Variants in SUPT3H observed in about 807,000 individuals in gnomAD.
The protein encoded by SUPT3H is transcription initiation protein SPT3 homolog.
SUPT3H carries 44 observed loss-of-function variants against 44.3 expected under a neutral mutation model. That is an observed-to-expected ratio of 0.99 (90% CI 0.78 to 1.28). The LOEUF is 1.28. SUPT3H is among the 50% of genes most tolerant of loss of function. The probability of loss-of-function intolerance (pLI) is 0.00; values close to 1 mark genes in which losing one functional copy is unlikely to be tolerated. For synonymous variants in SUPT3H, 124 were observed against 125.6 expected, an observed-to-expected ratio of 0.99 and a Z score of 0.09; for missense variants, 380 against 387.1, an observed-to-expected ratio of 0.98 and a Z score of 0.15.
At chr6:45,177,620 G>C (rs931344238) in intron 2 of SUPT3H, among the ~76,000 whole-genome samples, 2 of 151,620 alleles carry the variant, frequency 1.3e-5, no homozygotes, top group African/African-American at 4.8e-5. Flanking sequence ...ATAATTGTCA[G>C]ATTCACCAAA....
chr6:45,324,131 G>C (rs1206548010), intron 2 of SUPT3H, among the ~76,000 whole-genome samples: 2 of 151,810 alleles, frequency 1.3e-5, no homozygotes, highest in Non-Finnish European at 2.9e-5. Flanking sequence ...TTACAAAAAT[G>C]ACAGCATTCA....
chr6:45,151,145 T>A (rs1806909536), intron 2 of SUPT3H, among the ~76,000 whole-genome samples: 1 of 152,164 alleles, frequency 6.6e-6, no homozygotes, highest in Non-Finnish European at 1.5e-5. Context: ...TTTATGGCTA[T>A]TTACAGGACA....
chr6:44,856,371 T>A (rs1385427861), intron 10 of SUPT3H, among the ~76,000 whole-genome samples: 2 of 152,222 alleles, frequency 1.3e-5, no homozygotes, highest in Non-Finnish European at 2.9e-5. Context: ...TAAACCATTA[T>A]GTAAAATATA....
At chr6:45,243,116 A>G (rs1770668240) in intron 2 of SUPT3H, among the ~76,000 whole-genome samples, 1 of 137,110 alleles carries the variant, frequency 7.3e-6, no homozygotes. Flanking sequence ...ATTGCTTGAG[A>G]CTGGGAGGCA....
At chr6:45,012,279 C>T (rs888262006) in intron 5 of SUPT3H, among the ~76,000 whole-genome samples, 1 of 151,862 alleles carries the variant, frequency 6.6e-6, no homozygotes, top group Non-Finnish European at 1.5e-5. Context: ...TCTTCTGATA[C>T]TCTCATTATG....
intron 3 of SUPT3H, among the ~76,000 whole-genome samples, chr6:45,031,292 A>G (rs763800860): frequency 2.0e-5 from 3 of 152,192 alleles, no homozygotes; most frequent in Non-Finnish European, 2.9e-5. Context: ...TAGGATGTAA[A>G]TAATTTGTGG....
At chr6:45,201,786 TA>T (rs1315801106) in intron 2 of SUPT3H, among the ~76,000 whole-genome samples, 1 of 151,888 alleles carries the variant, frequency 6.6e-6, no homozygotes, top group Non-Finnish European at 1.5e-5. Flanking sequence ...CATTTTCCTT[TA>T]AAATAATATG....
At chr6:44,925,180 A>T (rs1769336705) in intron 10 of SUPT3H, among the ~76,000 whole-genome samples, 1 of 152,182 alleles carries the variant, frequency 6.6e-6, no homozygotes, top group Non-Finnish European at 1.5e-5. Flanking sequence ...TTTACATCAA[A>T]GTAAATGGGC....
intron 2 of SUPT3H, among the ~76,000 whole-genome samples, chr6:45,140,810 G>C (rs573900695): frequency 7.9e-5 from 12 of 152,058 alleles, no homozygotes; most frequent in Admixed American, 6.6e-5. Context: ...AGTAACAGTC[G>C]CTACAGTCTG....
chr6:45,165,640 G>A (rs1444214829), intron 2 of SUPT3H, among the ~76,000 whole-genome samples: 1 of 152,072 alleles, frequency 6.6e-6, no homozygotes, highest in Non-Finnish European at 1.5e-5. Flanking sequence ...GATTGCAAAT[G>A]AGAAACAAAA....
intron 10 of SUPT3H, among the ~76,000 whole-genome samples, chr6:44,889,105 T>G (rs201749011): frequency 0.01 from 1,557 of 151,080 alleles, 13 homozygotes; most frequent in South Asian, 0.025. Flanking sequence ...CACTGCTCAA[T>G]GAAATAAAAG....
intron 2 of SUPT3H, among the ~76,000 whole-genome samples, chr6:45,332,225 T>A (rs1301376759): frequency 6.6e-6 from 1 of 151,790 alleles, no homozygotes; most frequent in Admixed American, 6.6e-5. Flanking sequence ...CAAATATTCA[T>A]CTAGAGGGCT....
At chr6:45,012,398 C>G (rs1783614809) in intron 5 of SUPT3H, among the ~76,000 whole-genome samples, 1 of 151,754 alleles carries the variant, frequency 6.6e-6, no homozygotes, top group Non-Finnish European at 1.5e-5. Context: ...ATGATGTCTT[C>G]AAGTTCAGAT....
intron 2 of SUPT3H, among the ~76,000 whole-genome samples, chr6:45,346,567 C>CTTTTTTTTTTTTTTTTTTTTTTTTTT (rs71745024): frequency 1.4e-5 from 2 of 140,430 alleles, no homozygotes; most frequent in Non-Finnish European, 3.1e-5. Context: ...ATAAACATTT[C>CTTTTTTTTTTTTTTTTTTTTTTTTTT]TTTTTTTTTT....
At chr6:45,169,511 G>C (rs1810436427) in intron 2 of SUPT3H, among the ~76,000 whole-genome samples, 1 of 151,958 alleles carries the variant, frequency 6.6e-6, no homozygotes. Flanking sequence ...TATGTTTATT[G>C]TAAGAACTAT....
intron 2 of SUPT3H, among the ~76,000 whole-genome samples, chr6:45,283,764 C>A (rs191561386): frequency 1.3e-5 from 2 of 152,112 alleles, no homozygotes; most frequent in East Asian, 3.9e-4. Context: ...ACTCTCCACC[C>A]CAAATCAACA....
intron 2 of SUPT3H, among the ~76,000 whole-genome samples, chr6:45,247,780 AAAG>A (rs763805922): frequency 1.3e-5 from 2 of 152,136 alleles, no homozygotes; most frequent in Non-Finnish European, 2.9e-5. Flanking sequence ...AAATGTTGAA[AAAG>A]AAGAACAAAA....
chr6:45,049,192 A>G (rs1789890706), intron 3 of SUPT3H, among the ~76,000 whole-genome samples: 1 of 152,230 alleles, frequency 6.6e-6, no homozygotes, highest in Admixed American at 6.5e-5. Context: ...AAATCAGCTT[A>G]GAAAGAAAAT....
intron 2 of SUPT3H, among the ~76,000 whole-genome samples, chr6:45,315,213 G>C (rs1036498011): frequency 2.6e-4 from 39 of 152,108 alleles, no homozygotes; most frequent in African/African-American, 9.2e-4. Context: ...AACCCTTCTA[G>C]ACATTGCCTT....
Sources: allele counts gnomAD v4.1 joint callset (sites outside exome capture counted in the v4.1 genomes callset), GRCh38; gene constraint gnomAD v4.1.1; transcripts MANE v1.5; gene names NCBI Gene and HGNC (gene_info 2026-07-23, HGNC 2026-07-21).